GLRA2: variants seen among roughly 807,000 people sequenced by gnomAD.
The protein encoded by GLRA2 is glycine receptor subunit alpha-2.
A neutral mutation model predicts 31.6 loss-of-function variants in GLRA2; 11 were observed. The observed-to-expected ratio is 0.35, with a 90% CI of 0.22 to 0.58. The LOEUF (loss-of-function observed/expected upper bound fraction) is 0.58, where lower values mean the gene tolerates loss of function less well. GLRA2 is among the 20% of genes least tolerant of loss of function. The pLI, the probability that GLRA2 is intolerant of heterozygous loss-of-function variation, is 0.84. For missense variants in GLRA2, 212 were observed against 351.8 expected (o/e 0.60, Z 3.18); for synonymous variants, 132 against 134.0 (o/e 0.99, Z 0.10).
At chrX:14,516,580 C>A in the GLRA2 span, among the ~76,000 whole-genome samples, 3 of 111,272 alleles carry the variant, frequency 2.7e-5, no homozygotes, top group African/African-American at 9.8e-5. Context: ...GAATTCACAC[C>A]CTAGAGAAGT....
the GLRA2 span, among the ~76,000 whole-genome samples, chrX:14,467,374 CT>C: frequency 8.9e-6 from 1 of 111,964 alleles, no homozygotes; most frequent in South Asian, 3.7e-4. Flanking sequence ...CTATGAGGTT[CT>C]GCATTTCTAC....
chrX:14,693,775 A>G (rs1360553848), intron 8 of GLRA2, among the ~76,000 whole-genome samples: 1 of 112,249 alleles, frequency 8.9e-6, no homozygotes, highest in Non-Finnish European at 1.9e-5. Flanking sequence ...TCAATGGTAC[A>G]AAGATAACTA....
chrX:14,491,837 A>G, the GLRA2 span, among the ~76,000 whole-genome samples: 1 of 111,857 alleles, frequency 8.9e-6, no homozygotes, highest in Admixed American at 9.5e-5. Flanking sequence ...TCCTCCAGAA[A>G]TATTATGTTT....
Position 14,731,006 on chromosome X carries a change from G to A in GLRA2, c.*521G>A, listed in dbSNP as rs913816008. On this transcript the variant is annotated 3_prime_UTR_variant, in exon 9 of 9. Transcript: ENST00000218075. ...AGTGACTAGCCTATAGTGAGTCGAGGACCAAACTTTTTCAGGAAAATGCTG... is the reference window on the plus strand; with the variant it reads ...AGTGACTAGCCTATAGTGAGTCGAGAACCAAACTTTTTCAGGAAAATGCTG... 9.1e-6 allele frequency: 1 copy of A among 110,170 alleles called. No individual in the cohort carries two copies. The highest frequency in any genetic ancestry group is 3.4e-5 in the African/African-American group (1 of 29,678). The allele number at this position is 110,170 out of a possible 1,213,427, so 9.1% of individuals were successfully genotyped here. A position where few individuals can be genotyped will look rare whatever the true frequency, so the allele number is the denominator to read the frequency against.
rs752610633 is a variant in GLRA2 at position 14,690,691 on chromosome X, G to GTC, written c.931-4_931-3dup. On this transcript the variant is annotated intron_variant, in intron 7 of 8. Transcript: ENST00000218075. Reference sequence around the variant, plus strand: ...TCTCTCTCTCTCTGTGTGTGTGTGTGTCTCTCTCTCTCTCTCAGGTCTCCT... The same window carrying GTC: ...TCTCTCTCTCTCTGTGTGTGTGTGTGTCTCTCTCTCTCTCTCTCAGGTCTCCT... 76 of 923,957 alleles carry GTC rather than the reference G, an allele frequency of 8.2e-5. No individual in the cohort carries two copies. Among genetic ancestry groups the GTC allele is most frequent in the African/African-American group, 2.2e-4 (11 of 50,367 alleles). The allele number at this position is 923,957 out of a possible 1,213,427, so 76.1% of individuals were successfully genotyped here. A position where few individuals can be genotyped will look rare whatever the true frequency, so the allele number is the denominator to read the frequency against.
chrX:14,505,812 T>A, the GLRA2 span, among the ~76,000 whole-genome samples: 1 of 111,618 alleles, frequency 9.0e-6, no homozygotes, highest in East Asian at 2.8e-4. Flanking sequence ...CTGGGAGACC[T>A]ATAACCCTGA....
At chrX:14,599,344 G>C (rs1376935397) in intron 4 of GLRA2, among the ~76,000 whole-genome samples, 4 of 112,454 alleles carry the variant, frequency 3.6e-5, no homozygotes, top group African/African-American at 1.3e-4. Context: ...AATCTGACAT[G>C]CTGGTCAATG....
chrX:14,639,532 T>A (rs774088611), intron 7 of GLRA2, among the ~76,000 whole-genome samples: 1 of 112,310 alleles, frequency 8.9e-6, no homozygotes, highest in South Asian at 3.7e-4. Context: ...TTTTTCTCTA[T>A]TCAGTGACAA....
the GLRA2 span, among the ~76,000 whole-genome samples, chrX:14,464,073 A>G: frequency 8.9e-6 from 1 of 112,196 alleles, no homozygotes; most frequent in Non-Finnish European, 1.9e-5. Flanking sequence ...TTCTTTGTAT[A>G]TTATAGATAT....
At chrX:14,586,110 G>T (rs1299983978) in intron 4 of GLRA2, among the ~76,000 whole-genome samples, 1 of 111,232 alleles carries the variant, frequency 9.0e-6, no homozygotes, top group Non-Finnish European at 1.9e-5. Context: ...TTCATAACAA[G>T]CACGATCACC....
chrX:14,500,240 C>G, the GLRA2 span, among the ~76,000 whole-genome samples: 1 of 111,771 alleles, frequency 8.9e-6, no homozygotes, highest in Non-Finnish European at 1.9e-5. Context: ...TCAGCTAAGT[C>G]ACTGTCTCTT....
intron 7 of GLRA2, among the ~76,000 whole-genome samples, chrX:14,656,621 T>G (rs1383736691): frequency 8.9e-6 from 1 of 112,341 alleles, no homozygotes; most frequent in Non-Finnish European, 1.9e-5. Context: ...CAAATGTGAA[T>G]GACTTCTAAC....
chrX:14,590,470 T>C (rs764402923), intron 4 of GLRA2, among the ~76,000 whole-genome samples: 1 of 112,327 alleles, frequency 8.9e-6, no homozygotes, highest in Non-Finnish European at 1.9e-5. Context: ...CTTCAAAAGA[T>C]TCTAACTTTA....
At chrX:14,525,169 C>T (rs1414815072), upstream of GLRA2, among the ~76,000 whole-genome samples, 2 of 111,211 alleles carry the variant, frequency 1.8e-5, no homozygotes, top group Non-Finnish European at 3.8e-5. Flanking sequence ...TAATATGTAG[C>T]ATGATATAGA....
At chrX:14,609,253 T>C (rs375361313) in intron 7 of GLRA2, 48 bp downstream of exon 7, 231 of 847,876 alleles carry the variant, frequency 2.7e-4, no homozygotes, top group Non-Finnish European at 3.8e-4. Flanking sequence ...TTCCCAAAGG[T>C]CTTGTGGGCT....
the GLRA2 span, among the ~76,000 whole-genome samples, chrX:14,468,887 G>C: frequency 9.1e-5 from 10 of 110,350 alleles, no homozygotes; most frequent in African/African-American, 3.3e-4. Flanking sequence ...TCTCATTGTG[G>C]TTTTGATTTG....
intron 3 of GLRA2, among the ~76,000 whole-genome samples, chrX:14,576,253 T>G (rs1234522128): frequency 9.0e-6 from 1 of 111,578 alleles, no homozygotes; most frequent in Non-Finnish European, 1.9e-5. Context: ...GATATTATTC[T>G]GAAACATTAT....
intron 7 of GLRA2, among the ~76,000 whole-genome samples, chrX:14,636,459 CT>C (rs1203141536): frequency 1.8e-5 from 2 of 110,913 alleles, no homozygotes; most frequent in Non-Finnish European, 3.8e-5. Context: ...TAATCCCAGT[CT>C]AATCATGAGG....
At chrX:14,689,231 CCAACAAATAAT>C (rs1328888973) in intron 7 of GLRA2, among the ~76,000 whole-genome samples, 1 of 111,987 alleles carries the variant, frequency 8.9e-6, no homozygotes, top group Non-Finnish European at 1.9e-5. Flanking sequence ...AAAAGTTGAT[CCAACAAATAAT>C]CAGGGACACA....
Sources: allele counts gnomAD v4.1 joint callset (sites outside exome capture counted in the v4.1 genomes callset), GRCh38; gene constraint gnomAD v4.1.1; transcripts MANE v1.5; gene names NCBI Gene and HGNC (gene_info 2026-07-23, HGNC 2026-07-21).